Variants in NTRK3 observed in about 807,000 individuals in gnomAD.
The protein encoded by NTRK3 is neurotrophic receptor tyrosine kinase 3, also known as NT-3 growth factor receptor.
Under a neutral mutation model 91.7 loss-of-function variants are expected in NTRK3, and 24 were observed. That is an observed-to-expected ratio of 0.26 (90% confidence interval 0.19 to 0.37). NTRK3 has a LOEUF of 0.37. NTRK3 is among the 10% of genes least tolerant of loss of function. The pLI is 1.00. For missense variants in NTRK3, 880 were observed against 1,068.9 expected (o/e 0.82, Z 2.46); for synonymous variants, 483 against 404.0 (o/e 1.20, Z -2.34).
intron 13 of NTRK3, among the ~76,000 whole-genome samples, chr15:88,052,283 G>A (rs1449816469): frequency 6.6e-6 from 1 of 152,338 alleles, no homozygotes; most frequent in Non-Finnish European, 1.5e-5. Context: ...GGCTGGGTGA[G>A]ACATCAGCAT....
Position 88,147,361 on chromosome 15 carries a change from G to A in NTRK3, c.438C>T (p.Leu146=), listed in dbSNP as rs375316085. 7 of 1,613,698 alleles carry A rather than the reference G, an allele frequency of 4.3e-6. No homozygotes were observed. In the African/African-American group the frequency reaches 6.7e-5, roughly 15 times the overall value. Residue 146 remains leucine (L), a synonymous_variant, in exon 6 of 19, where the codon CTC becomes CTT. Transcript: ENST00000394480. Reference sequence around the variant, plus strand: ...ATTCCCGAAGACTCAGCGTCTGGAAGAGCTGCCACGAGAGTGTGGTGAGCC... The same window carrying A: ...ATTCCCGAAGACTCAGCGTCTGGAAAAGCTGCCACGAGAGTGTGGTGAGCC...
chr15:88,220,868 G>C (rs2050177533), intron 3 of NTRK3, among the ~76,000 whole-genome samples: 1 of 152,182 alleles, frequency 6.6e-6, no homozygotes, highest in Non-Finnish European at 1.5e-5. Context: ...GGTCCCAAGA[G>C]ATCAACCCGT....
chr15:88,130,293 G>A (rs1038004564), intron 10 of NTRK3, among the ~76,000 whole-genome samples: 7 of 152,212 alleles, frequency 4.6e-5, no homozygotes, highest in African/African-American at 1.7e-4. Flanking sequence ...TTCCTTACAA[G>A]AGAATTCTGA....
chr15:87,954,592 G>GA (rs1434496180), intron 14 of NTRK3, among the ~76,000 whole-genome samples: 17 of 151,252 alleles, frequency 1.1e-4, no homozygotes, highest in African/African-American at 2.4e-4. Flanking sequence ...CCAGTCATAG[G>GA]AAAAAAAAAT....
chr15:88,214,923 G>A (rs866064205), intron 3 of NTRK3, among the ~76,000 whole-genome samples: 51 of 152,318 alleles, frequency 3.3e-4, no homozygotes, highest in African/African-American at 1.2e-3. Flanking sequence ...GGTGACAGGT[G>A]TTCAGCAAAG....
At chr15:88,216,549 C>T (rs2049791284) in intron 3 of NTRK3, among the ~76,000 whole-genome samples, 1 of 152,216 alleles carries the variant, frequency 6.6e-6, no homozygotes, top group African/African-American at 2.4e-5. Flanking sequence ...GAGACCATCC[C>T]TTTTGGCAAA....
intron 13 of NTRK3, among the ~76,000 whole-genome samples, chr15:88,097,430 G>C (rs936483610): frequency 6.6e-6 from 1 of 152,186 alleles, no homozygotes; most frequent in African/African-American, 2.4e-5. Context: ...AGTACAAGAA[G>C]AGGAATGGGA....
chr15:88,121,826 C>T (rs187833543), intron 13 of NTRK3, among the ~76,000 whole-genome samples: 160 of 152,312 alleles, frequency 1.1e-3, no homozygotes, highest in Non-Finnish European at 1.7e-3. Flanking sequence ...CATTAGACTT[C>T]ATCAATAGCA....
chr15:88,209,160 C>T (rs920361886), intron 3 of NTRK3, among the ~76,000 whole-genome samples: 10 of 152,152 alleles, frequency 6.6e-5, no homozygotes, highest in African/African-American at 9.7e-5. Context: ...AAGACAGTGA[C>T]GAAGAGGTAG....
intron 13 of NTRK3, among the ~76,000 whole-genome samples, chr15:88,096,741 G>A (rs981713333): frequency 6.6e-6 from 1 of 152,160 alleles, no homozygotes; most frequent in Non-Finnish European, 1.5e-5. Flanking sequence ...TTTGAGGCAG[G>A]TGCCACCCAG....
chr15:88,094,195 G>A (rs1290207296), intron 13 of NTRK3, among the ~76,000 whole-genome samples: 6 of 152,100 alleles, frequency 3.9e-5, no homozygotes, highest in Non-Finnish European at 7.4e-5. Flanking sequence ...GGCCGGGCGC[G>A]GTGGCTCACG....
At chr15:87,981,162 G>C (rs2074228802) in intron 14 of NTRK3, 2 of 1,551,016 alleles carry the variant, frequency 1.3e-6, no homozygotes, top group African/African-American at 2.7e-5. Flanking sequence ...AAGGTCTTAA[G>C]AACCAAAATT....
chr15:88,143,827 A>G (rs967603620), intron 6 of NTRK3: 7 of 152,240 alleles, frequency 4.6e-5, no homozygotes, highest in African/African-American at 1.7e-4. Flanking sequence ...ATATTTTACC[A>G]AGCTGATTAA....
chr15:87,936,699 C>T (rs1209710547), intron 15 of NTRK3, among the ~76,000 whole-genome samples: 1 of 152,148 alleles, frequency 6.6e-6, no homozygotes, highest in East Asian at 1.9e-4. Flanking sequence ...CGCACACATG[C>T]ACACCTATCA....
intron 15 of NTRK3, among the ~76,000 whole-genome samples, chr15:87,940,044 T>C (rs1456519607): frequency 6.6e-6 from 1 of 152,200 alleles, no homozygotes; most frequent in Non-Finnish European, 1.5e-5. Context: ...CTCCCAGGCA[T>C]GCTGCCCCTT....
chr15:88,141,657 C>T (rs1159526897), intron 6 of NTRK3, among the ~76,000 whole-genome samples: 1 of 152,242 alleles, frequency 6.6e-6, no homozygotes, highest in Non-Finnish European at 1.5e-5. Flanking sequence ...GGCTGCATTG[C>T]CGCAAGCCAC....
At chr15:88,120,027 T>G (rs1279011483) in intron 13 of NTRK3, among the ~76,000 whole-genome samples, 1 of 152,106 alleles carries the variant, frequency 6.6e-6, no homozygotes, top group Non-Finnish European at 1.5e-5. Flanking sequence ...ACCTACAGCA[T>G]CAAAACTCAG....
chr15:87,907,588 G>A (rs867642786), intron 17 of NTRK3, among the ~76,000 whole-genome samples: 2 of 152,220 alleles, frequency 1.3e-5, no homozygotes, highest in Middle Eastern at 3.4e-3. Context: ...ACTACCGCAC[G>A]CCCTGTCAGT....
intron 14 of NTRK3, among the ~76,000 whole-genome samples, chr15:87,951,970 A>C (rs2071148430): frequency 6.6e-6 from 1 of 152,062 alleles, no homozygotes; most frequent in Non-Finnish European, 1.5e-5. Context: ...CCACTAAAAA[A>C]ACAAAAATTA....
Sources: gnomAD v4.1 joint callset for allele counts (sites outside exome capture counted in the v4.1 genomes callset) on GRCh38, gnomAD v4.1.1 for gene constraint, MANE v1.5 for transcripts, NCBI Gene and HGNC (gene_info 2026-07-23, HGNC 2026-07-21) for gene names.